FTCDNL1: variants seen among roughly 807,000 people sequenced by gnomAD.
The protein encoded by FTCDNL1 is formiminotransferase cyclodeaminase N-terminal like, also known as formiminotransferase N-terminal subdomain-containing protein.
A neutral mutation model predicts 5.9 loss-of-function variants in FTCDNL1; 11 were observed. The observed-to-expected ratio is 1.87, with a 90% CI of 1.18 to 3.10. The LOEUF is 3.10. FTCDNL1 is among the 30% of genes most tolerant of loss of function. The pLI, the probability that FTCDNL1 is intolerant of heterozygous loss-of-function variation, is 0.00. For synonymous variants in FTCDNL1, 58 were observed against 24.8 expected (o/e 2.34, Z -3.99); for missense variants, 115 against 65.5 (o/e 1.76, Z -2.61).
At chr2:199,692,907 G>A in the FTCDNL1 span, among the ~76,000 whole-genome samples, 1 of 152,202 alleles carries the variant, frequency 6.6e-6, no homozygotes, top group African/African-American at 2.4e-5. Flanking sequence ...GCTCTGCAGT[G>A]CTTGTATACA....
the FTCDNL1 span, among the ~76,000 whole-genome samples, chr2:199,708,168 A>C: frequency 6.6e-6 from 1 of 151,974 alleles, no homozygotes; most frequent in Non-Finnish European, 1.5e-5. Context: ...CTATGTCTTC[A>C]AATGTACCAC....
intron 3 of FTCDNL1, among the ~76,000 whole-genome samples, chr2:199,832,309 T>C (rs1262098853): frequency 6.6e-6 from 1 of 152,172 alleles, no homozygotes. Flanking sequence ...TGCTTTCTAA[T>C]AGCTTCACAC....
At position 199,788,377 on chromosome 2, in the gene FTCDNL1, G is replaced by A. The variant is rs185696546; in HGVS notation, c.212-27542C>T. 8.8e-4 allele frequency among the ~76,000 whole-genome samples: 134 copies of A among 152,266 alleles called. 1 individual carries two copies. The highest frequency in any genetic ancestry group is 1.7e-3 in the South Asian group (8 of 4,820). On this transcript the variant is annotated intron_variant, in intron 3 of 3. Transcript: ENST00000416668. ...GATATTTTAGCACAGCATATTCTAT[G>A]ATCACAGTAGAATAAAATTAAAAGT...
At chr2:199,780,277 G>A (rs1300007726) in intron 3 of FTCDNL1, among the ~76,000 whole-genome samples, 1 of 152,152 alleles carries the variant, frequency 6.6e-6, no homozygotes, top group African/African-American at 2.4e-5. Flanking sequence ...ATTAGATGCT[G>A]CCTTCCTCAC....
the FTCDNL1 span, among the ~76,000 whole-genome samples, chr2:199,750,003 C>T: frequency 5.4e-4 from 81 of 149,910 alleles, no homozygotes; most frequent in Middle Eastern, 6.8e-3. Flanking sequence ...TTCAGGTGAC[C>T]GACATACACA....
rs560070686 is a variant in FTCDNL1 at position 199,839,345 on chromosome 2, T to C, written c.211+6730A>G. Among the ~76,000 whole-genome samples the C allele has an allele frequency of 3.1e-3, 471 of 152,172 alleles. 1 individual carries two copies. The highest frequency in any genetic ancestry group is 0.011 in the African/African-American group (453 of 41,532). On this transcript the variant is annotated intron_variant, in intron 3 of 4. Transcript: ENST00000420128. ...AAATGAAAGCACTTGGAAATTAATA[T>C]AGAAGCCATAAAAACTTATGGAAGG...
chr2:199,821,321 T>TC (rs1438010290), intron 3 of FTCDNL1, among the ~76,000 whole-genome samples: 8 of 150,716 alleles, frequency 5.3e-5, no homozygotes, highest in African/African-American at 1.7e-4. Context: ...GGCTAATTTT[T>TC]TTTTTTTTTT....
At chr2:199,681,303 AAAAT>A in the FTCDNL1 span, among the ~76,000 whole-genome samples, 1 of 152,116 alleles carries the variant, frequency 6.6e-6, no homozygotes, top group Non-Finnish European at 1.5e-5. Context: ...ATAATACAAA[AAAAT>A]TACCCGGGTG....
chr2:199,783,032 T>G (rs1699449839), intron 3 of FTCDNL1, among the ~76,000 whole-genome samples: 1 of 152,204 alleles, frequency 6.6e-6, no homozygotes, highest in Non-Finnish European at 1.5e-5. Context: ...TTTCTGTAGG[T>G]TTGGCACTCT....
chr2:199,821,416 T>A (rs560819444), intron 3 of FTCDNL1, among the ~76,000 whole-genome samples: 3 of 148,470 alleles, frequency 2.0e-5, no homozygotes, highest in East Asian at 4.1e-4. Context: ...CTCCTCAGCC[T>A]CCCAAAGTGC....
the FTCDNL1 span, among the ~76,000 whole-genome samples, chr2:199,749,760 C>T: frequency 4.6e-5 from 7 of 152,120 alleles, no homozygotes; most frequent in Admixed American, 3.3e-4. Context: ...GGTGGGCTCA[C>T]AATACAGCCA....
At chr2:199,844,551 G>A (rs1337398732) in intron 3 of FTCDNL1, 3 of 509,938 alleles carry the variant, frequency 5.9e-6, no homozygotes, top group Admixed American at 6.7e-5. Flanking sequence ...GCAAAATTGT[G>A]AAAAACAATC....
chr2:199,685,758 T>C, the FTCDNL1 span, among the ~76,000 whole-genome samples: 1 of 152,200 alleles, frequency 6.6e-6, no homozygotes, highest in African/African-American at 2.4e-5. Context: ...AGGTGAAGAA[T>C]ATAACCCCAC....
the FTCDNL1 span, among the ~76,000 whole-genome samples, chr2:199,683,937 G>T: frequency 1.3e-5 from 2 of 152,222 alleles, no homozygotes; most frequent in African/African-American, 4.8e-5. Flanking sequence ...TTAATCGGCT[G>T]TCTGTTCTCT....
At chr2:199,850,436 C>A (rs1226921756) in intron 1 of FTCDNL1, among the ~76,000 whole-genome samples, 3 of 152,244 alleles carry the variant, frequency 2.0e-5, no homozygotes, top group Admixed American at 1.3e-4. Context: ...GGATTAGTTT[C>A]ATCCTCTCAT....
chr2:199,740,452 C>A, the FTCDNL1 span, among the ~76,000 whole-genome samples: 3 of 152,176 alleles, frequency 2.0e-5, no homozygotes, highest in African/African-American at 7.2e-5. Flanking sequence ...TCCCTCTTGC[C>A]CCCTAATCTG....
chr2:199,690,681 A>G, the FTCDNL1 span, among the ~76,000 whole-genome samples: 1 of 152,112 alleles, frequency 6.6e-6, no homozygotes, highest in East Asian at 1.9e-4. Context: ...TTTTACTCCA[A>G]TTCCCTAAGA....
the FTCDNL1 span, among the ~76,000 whole-genome samples, chr2:199,695,681 A>G: frequency 2.0e-5 from 3 of 152,142 alleles, no homozygotes; most frequent in South Asian, 2.1e-4. Flanking sequence ...GACATCCAGA[A>G]TCCTAGCTCC....
downstream of FTCDNL1, among the ~76,000 whole-genome samples, chr2:199,808,750 A>G (rs1365372460): frequency 6.6e-6 from 1 of 152,248 alleles, no homozygotes; most frequent in Non-Finnish European, 1.5e-5. Flanking sequence ...GCTCTAGAAT[A>G]GACCTAGAAA....
Sources: gnomAD v4.1 joint callset for allele counts (sites outside exome capture counted in the v4.1 genomes callset) on GRCh38, gnomAD v4.1.1 for gene constraint, MANE v1.5 for transcripts, NCBI Gene and HGNC (gene_info 2026-07-23, HGNC 2026-07-21) for gene names.